Variants in TMEM63B observed in about 807,000 individuals in gnomAD.
TMEM63B encodes the protein transmembrane protein 63B.
Under a neutral mutation model 102.6 loss-of-function variants are expected in TMEM63B, and 23 were observed. That is an observed-to-expected ratio of 0.22 (90% CI 0.16 to 0.32). The LOEUF is 0.32. Among genes scored for constraint, TMEM63B ranks in the 10% least tolerant of loss-of-function variants. The pLI is 1.00. For synonymous variants in TMEM63B, 444 were observed against 437.0 expected (o/e 1.02, Z -0.20); for missense variants, 628 against 1,095.9 (o/e 0.57, Z 6.03).
In TMEM63B at chr6:44,148,888, C is replaced by T. The variant is rs947924834; in HGVS notation, c.1356C>T (p.Ala452=). Residue 452 remains alanine, a synonymous_variant, in exon 15 of 24, where the codon GCC becomes GCT. Coordinates refer to ENST00000323267, the MANE Select transcript of TMEM63B (RefSeq NM_018426.3). This position sits in a 1 kb window ranked among gnomAD's most constrained non-coding sequence, Gnocchi z 5.1. ...TCCTCTTCTTCCTCACCACTCCAGCCATCATCATCACCACCATGGACAAGT... is the reference window on the plus strand; with the variant it reads ...TCCTCTTCTTCCTCACCACTCCAGCTATCATCATCACCACCATGGACAAGT... The part of the protein sequence containing the change: ...FILLFFLTTP[A]IIITTMDKFN... The T allele has an allele frequency of 1.2e-6, 2 of 1,614,098 alleles. No homozygotes were observed. Among genetic ancestry groups the T allele is most frequent in the African/African-American group, 2.7e-5 (2 of 74,998 alleles).
Position 44,148,697 on chromosome 6 carries a change from C to G in TMEM63B, c.1259+47C>G. On this transcript the variant is annotated intron_variant, in intron 14 of 23. Transcript: ENST00000323267. The surrounding 1 kb of genome is among the most constrained non-coding windows in gnomAD (Gnocchi z 5.1). ...CAGGCTTTCCAGGGCCTGGGATGGG[C>G]TCAGTAGGTAGGCGGAGGAGAGGGA... The G allele has an allele frequency of 6.2e-7, 1 of 1,611,268 alleles. No homozygotes were observed. The highest frequency in any genetic ancestry group is 8.5e-7 in the Non-Finnish European group (1 of 1,177,884).
chr6:44,154,921 C>A lies in TMEM63B; in HGVS notation c.*38C>A, dbSNP rs1158510714. The A allele has an allele frequency of 8.9e-6, 13 of 1,464,004 alleles. No individual in the cohort carries two copies. The highest frequency in any genetic ancestry group is 7.5e-5 in the Admixed American group (3 of 40,170). The allele number at this position is 1,464,004 out of a possible 1,614,324, so 90.7% of individuals were successfully genotyped here. On this transcript the variant is annotated 3_prime_UTR_variant, in exon 24 of 24. Transcript: ENST00000323267. Reference sequence around the variant, plus strand: ...GCCCTGGAGGCCACATCCTGCCCCACCCCACCCCCACTCCCACGGACACTA... The same window carrying A: ...GCCCTGGAGGCCACATCCTGCCCCAACCCACCCCCACTCCCACGGACACTA...
chr6:44,152,456 C>T lies in TMEM63B; in HGVS notation c.1837-137C>T. On this transcript the variant is annotated intron_variant, in intron 19 of 23. Coordinates refer to ENST00000323267, the MANE Select transcript of TMEM63B (RefSeq NM_018426.3). This position sits in a 1 kb window ranked among gnomAD's most constrained non-coding sequence, Gnocchi z 6.4. ...CTCCATCTGCTCTGCCCTACCCTACCCTAGACATTAGGTCCTGTTCCCCAT... is the reference window on the plus strand; with the variant it reads ...CTCCATCTGCTCTGCCCTACCCTACTCTAGACATTAGGTCCTGTTCCCCAT... The T allele has an allele frequency of 1.5e-6, 1 of 682,110 alleles. No homozygotes were observed. Among genetic ancestry groups the T allele is most frequent in the East Asian group, 2.6e-5 (1 of 37,786 alleles). The allele number at this position is 682,110 out of a possible 1,614,324, so 42.3% of individuals were successfully genotyped here.
rs1237343727 is a variant in TMEM63B at position 44,148,988 on chromosome 6, C to G, written c.1413+43C>G. The G allele has an allele frequency of 6.2e-7, 1 of 1,613,606 alleles. No individual in the cohort carries two copies. The highest frequency in any genetic ancestry group is 8.5e-7 in the Non-Finnish European group (1 of 1,179,964). On this transcript the variant is annotated intron_variant, in intron 15 of 23. Coordinates refer to ENST00000323267, the MANE Select transcript of TMEM63B (RefSeq NM_018426.3). This position sits in a 1 kb window ranked among gnomAD's most constrained non-coding sequence, Gnocchi z 5.1. ...TGTCACTTTCCACGCTGGGTCACAA[C>G]ACACAGATACCAGGCCCTGATCCCT...
At chr6:44,140,167 G>A (rs1763942442) in intron 8 of TMEM63B, 85 bp from the exon 9 acceptor site, 1 of 1,084,476 alleles carries the variant, frequency 9.2e-7, no homozygotes, top group African/African-American at 1.5e-5. Flanking sequence ...TCTGTATCAA[G>A]GGTTTAACAC....
At position 44,148,608 on chromosome 6, in the gene TMEM63B, A is replaced by G. The variant is rs201065300; in HGVS notation, c.1217A>G (p.Asn406Ser). Residue 406 changes from asparagine (N) to serine (S), a missense_variant, in exon 14 of 24, where the codon AAC (asparagine) becomes AGC (serine). Asn to Ser is a conservative substitution (Grantham distance 46, BLOSUM62 1). Around this residue, in one of 6 missense-constraint regions of TMEM63B, gnomAD observed 336 missense variants for 580.3 expected, o/e 0.58. Transcript: ENST00000323267. This position sits in a 1 kb window ranked among gnomAD's most constrained non-coding sequence, Gnocchi z 5.1. ...TGCAGCGAGTCCCTGCACATCTCCA[A>G]CTGGACCGTGTCCTATGCCCCTGAC... is the stretch of plus-strand genomic sequence containing the variant. ...SSCSESLHIS[N>S]WTVSYAPDPQ... 14 of 1,614,044 alleles carry G rather than the reference A, an allele frequency of 8.7e-6. No individual in the cohort carries two copies. The highest frequency in any genetic ancestry group is 1.6e-4 in the Middle Eastern group (1 of 6,084).
At chr6:44,147,730 T>C (rs1449291997) in intron 12 of TMEM63B, among the ~76,000 whole-genome samples, 2 of 152,250 alleles carry the variant, frequency 1.3e-5, no homozygotes, top group Non-Finnish European at 2.9e-5. Context: ...TCTGGGGACT[T>C]GAGCAAGTTG....
chr6:44,138,736 G>GTCCCCCCCCCCCCCCCCCCCCCCCCC (rs567563400), intron 6 of TMEM63B: 1 of 276,124 alleles, frequency 3.6e-6, no homozygotes, highest in Admixed American at 5.3e-5. Context: ...CCCCCTGCCG[G>GTCCCCCCCCCCCCCCCCCCCCCCCCC]CCCCCCCGCT....
At chr6:44,141,398 T>G (rs1764238434) in intron 10 of TMEM63B, among the ~76,000 whole-genome samples, 1 of 151,918 alleles carries the variant, frequency 6.6e-6, no homozygotes, top group Non-Finnish European at 1.5e-5. Context: ...TCCATTGGAG[T>G]ACATATCTTC....
rs372861986 is a variant in TMEM63B, at chr6:44,151,999, C to T, written c.1827C>T (p.Asn609=). The change falls in exon 19 of 24, where the codon AAC becomes AAT. Residue 609 remains asparagine, a synonymous_variant. Transcript: ENST00000323267. ...CLARSAAERR[N]VKRHQAYEFQ... ...CGCGCTCGGCCGCCGAGAGGCGCAA[C>T]GTGAAGCGGGTACGGCCGCCTGGGG... The T allele has an allele frequency of 3.7e-6, 6 of 1,608,764 alleles. No homozygotes were observed. The highest frequency in any genetic ancestry group is 2.7e-5 in the African/African-American group (2 of 74,698).
chr6:44,142,971 T>C (rs1460086819), intron 10 of TMEM63B, among the ~76,000 whole-genome samples: 1 of 152,216 alleles, frequency 6.6e-6, no homozygotes, highest in Non-Finnish European at 1.5e-5. Flanking sequence ...ATTGCGCCAC[T>C]GTACTCCAGC....
chr6:44,132,414 A>G (rs1239939799), intron 1 of TMEM63B: 8 of 783,384 alleles, frequency 1.0e-5, no homozygotes, highest in African/African-American at 5.6e-5. Context: ...TAGGAATGGT[A>G]CTCTGGGGCT....
rs1033100006 is a variant in TMEM63B, at chr6:44,141,011, A to G, written c.712-17A>G. ...GGGTCAAGCCTCAGAAGGCAAACCC[A>G]CTCCCCTGTCACCCAGGTGAAGCGG... On this transcript the variant is annotated splice_polypyrimidine_tract_variant and intron_variant, in intron 9 of 23. Coordinates refer to ENST00000323267, the MANE Select transcript of TMEM63B (RefSeq NM_018426.3). The G allele has an allele frequency of 6.2e-7, 1 of 1,612,768 alleles. No homozygotes were observed. Among genetic ancestry groups the G allele is most frequent in the Admixed American group, 1.7e-5 (1 of 59,870 alleles).
At chr6:44,133,755 C>T (rs140168332) in intron 1 of TMEM63B, among the ~76,000 whole-genome samples, 3 of 152,270 alleles carry the variant, frequency 2.0e-5, no homozygotes, top group African/African-American at 7.2e-5. Flanking sequence ...CCCACTCCCC[C>T]CTCCTTTGCC....
At chr6:44,142,186 T>G (rs1031881160) in intron 10 of TMEM63B, among the ~76,000 whole-genome samples, 5 of 150,806 alleles carry the variant, frequency 3.3e-5, no homozygotes, top group African/African-American at 9.8e-5. Context: ...ATCCCAACAC[T>G]TTGGGAGGCC....
At chr6:44,135,217 G>A in intron 3 of TMEM63B, 111 bp from the exon 4 acceptor site, 2 of 1,567,076 alleles carry the variant, frequency 1.3e-6, no homozygotes, top group South Asian at 1.1e-5. Context: ...GAAGGGACTA[G>A]CCCCAATGTG....
Position 44,146,896 on chromosome 6 carries a change from G to A in TMEM63B, c.832G>A (p.Val278Met), listed in dbSNP as rs759976564. Residue 278 changes from valine to methionine, a missense_variant, in exon 11 of 24, where the codon GTG (valine) becomes ATG (methionine). Physicochemically the swap from Val to Met is conservative, Grantham distance 21. This residue lies in a region of TMEM63B where 336 missense variants were observed against 580.3 expected (regional missense o/e 0.58). Transcript: ENST00000323267. ...TVLEARPCYN[V>M]ARLMFLDAER... The stretch of plus-strand genomic sequence containing the variant: ...TCTCGAAGCCCGCCCGTGTTACAAC[G>A]TGGCTCGCCTAATGTTCCTCGATGC... 3 of 1,613,912 alleles carry A rather than the reference G, an allele frequency of 1.9e-6. No homozygotes were observed. Among genetic ancestry groups the A allele is most frequent in the Non-Finnish European group, 2.5e-6 (3 of 1,179,978 alleles).
At position 44,155,073 on chromosome 6, in the gene TMEM63B, G is replaced by T; in HGVS notation, c.*190G>T. The T allele has an allele frequency of 1.8e-6, 1 of 548,076 alleles. No homozygotes were observed. Among genetic ancestry groups the T allele is most frequent in the East Asian group, 3.5e-5 (1 of 28,582 alleles). The allele number at this position is 548,076 out of a possible 1,614,324, so 34.0% of individuals were successfully genotyped here. A position where few individuals can be genotyped will look rare whatever the true frequency, so the allele number is the denominator to read the frequency against. On this transcript the variant is annotated 3_prime_UTR_variant, in exon 24 of 24. Coordinates refer to ENST00000323267, the MANE Select transcript of TMEM63B (RefSeq NM_018426.3). ...AGGGAGGGAGCCCCCCAACCTCAGTGAGGAGAGCCCCGAGCCGGCCCCGGG... is the reference window on the plus strand; with the variant it reads ...AGGGAGGGAGCCCCCCAACCTCAGTTAGGAGAGCCCCGAGCCGGCCCCGGG...
In TMEM63B at chr6:44,151,960, C is replaced by T; in HGVS notation, c.1788C>T (p.Ile596=). ...TCCCAGGCCTGCTCATGTACATGATCCGGCTCTGCCTGGCGCGCTCGGCCG... is the reference window on the plus strand; with the variant it reads ...TCCCAGGCCTGCTCATGTACATGATTCGGCTCTGCCTGGCGCGCTCGGCCG... ...LRIPGLLMYM[I]RLCLARSAAE... is the part of the protein sequence containing the mutation. Residue 596 remains isoleucine (I), a synonymous_variant, in exon 19 of 24, where the codon ATC becomes ATT. Coordinates refer to ENST00000323267, the MANE Select transcript of TMEM63B (RefSeq NM_018426.3). 1 of 1,612,666 alleles carries T rather than the reference C, an allele frequency of 6.2e-7. No homozygotes were observed. Among genetic ancestry groups the T allele is most frequent in the Non-Finnish European group, 8.5e-7 (1 of 1,179,216 alleles).
Sources: gnomAD v4.1 joint callset for allele counts (sites outside exome capture counted in the v4.1 genomes callset) on GRCh38, gnomAD v4.1.1 for gene constraint, gnomAD v4.1.1 regional missense constraint, Gnocchi (gnomAD v3.1) non-coding constraint, MANE v1.5 for transcripts, NCBI Gene and HGNC (gene_info 2026-07-23, HGNC 2026-07-21) for gene names.